L3MBTL3: variants seen among roughly 807,000 people sequenced by gnomAD.
L3MBTL3 encodes lethal(3)malignant brain tumor-like protein 3.
L3MBTL3 carries 27 observed loss-of-function variants against 102.3 expected under a neutral mutation model. The ratio of observed to expected loss-of-function variants is 0.26; its 90% CI spans 0.19 to 0.36. The LOEUF is 0.36. Ranked by LOEUF, L3MBTL3 falls within the 10% of genes least tolerant of loss-of-function variation. The probability of loss-of-function intolerance (pLI) is 1.00; values close to 1 mark genes in which losing one functional copy is unlikely to be tolerated. For missense variants in L3MBTL3, 798 were observed against 955.3 expected (o/e 0.84, Z 2.17); for synonymous variants, 340 against 320.9 (o/e 1.06, Z -0.64).
chr6:130,103,949 G>A (rs1317179908), intron 18 of L3MBTL3, among the ~76,000 whole-genome samples: 5 of 152,176 alleles, frequency 3.3e-5, no homozygotes. Context: ...CAGCCCATGA[G>A]GAAACCTCCT....
intron 16 of L3MBTL3, among the ~76,000 whole-genome samples, chr6:130,088,597 A>G (rs1276290761): frequency 2.0e-5 from 3 of 152,214 alleles, no homozygotes; most frequent in African/African-American, 7.2e-5. Flanking sequence ...CATTGAAGAA[A>G]AATGGCCTAG....
rs1329155980 is a variant in L3MBTL3, at chr6:130,116,946, ATTTT to A, written c.1887-3930_1887-3927del. On this transcript the variant is annotated intron_variant, in intron 19 of 22. Coordinates refer to ENST00000361794, the MANE Select transcript of L3MBTL3 (RefSeq NM_032438.4). ...ATTTTTTTTATTTTTTTTTCCTCTT[ATTTT>A]TTATTTATTTATTTATTTATTTTTT... 6.4e-5 allele frequency among the ~76,000 whole-genome samples: 9 copies of A among 141,256 alleles called. No individual in the cohort carries two copies. In the East Asian group the frequency reaches 1.4e-3, roughly 22 times the overall value. The allele number at this position is 141,256 out of a possible 152,430, so 92.7% of individuals were successfully genotyped here.
chr6:130,056,848 T>G (rs1157296322), intron 8 of L3MBTL3, among the ~76,000 whole-genome samples: 2 of 152,202 alleles, frequency 1.3e-5, no homozygotes, highest in Non-Finnish European at 2.9e-5. Flanking sequence ...TTCTCTCAGC[T>G]TTGCTACCCA....
At chr6:130,029,059 C>T (rs1452733661) in intron 2 of L3MBTL3, among the ~76,000 whole-genome samples, 1 of 152,128 alleles carries the variant, frequency 6.6e-6, no homozygotes, top group Non-Finnish European at 1.5e-5. Context: ...TTTATCAATA[C>T]CTACTATAGA....
intron 19 of L3MBTL3, among the ~76,000 whole-genome samples, chr6:130,107,480 A>G (rs1442018190): frequency 2.0e-5 from 3 of 152,206 alleles, no homozygotes; most frequent in Admixed American, 2.0e-4. Context: ...TAAAACCTAG[A>G]GGTAGCAAGT....
At chr6:130,130,115 C>T (rs1786903204) in intron 20 of L3MBTL3, among the ~76,000 whole-genome samples, 1 of 152,084 alleles carries the variant, frequency 6.6e-6, no homozygotes, top group African/African-American at 2.4e-5. Context: ...ATATCTAGGC[C>T]TATTTATCGT....
intron 12 of L3MBTL3, among the ~76,000 whole-genome samples, chr6:130,069,940 A>G (rs376814831): frequency 2.6e-4 from 40 of 152,354 alleles, no homozygotes; most frequent in Middle Eastern, 3.4e-3. Flanking sequence ...TGCCTGTTCT[A>G]TCCATTCAGA....
At chr6:130,064,947 C>T (rs1782152028) in intron 10 of L3MBTL3, among the ~76,000 whole-genome samples, 1 of 152,100 alleles carries the variant, frequency 6.6e-6, no homozygotes, top group African/African-American at 2.4e-5. Context: ...CCAGATATAG[C>T]TGACTGTGAG....
At chr6:130,122,842 G>A (rs564658582) in intron 20 of L3MBTL3, among the ~76,000 whole-genome samples, 8 of 152,202 alleles carry the variant, frequency 5.3e-5, no homozygotes, top group South Asian at 2.1e-4. Flanking sequence ...CCTCAGTTTC[G>A]TCTTGTGTAA....
intron 19 of L3MBTL3, among the ~76,000 whole-genome samples, chr6:130,108,528 C>T (rs761026643): frequency 1.3e-5 from 2 of 151,906 alleles, no homozygotes; most frequent in Non-Finnish European, 2.9e-5. Context: ...CCAATGTCCC[C>T]GGCCAAATGT....
intron 2 of L3MBTL3, among the ~76,000 whole-genome samples, chr6:130,027,637 T>A (rs1779436586): frequency 6.6e-6 from 1 of 152,174 alleles, no homozygotes; most frequent in African/African-American, 2.4e-5. Context: ...CCAAATCTAA[T>A]TCATTACATG....
chr6:130,084,364 AT>A (rs200950921), intron 15 of L3MBTL3, among the ~76,000 whole-genome samples: 1,820 of 152,168 alleles, frequency 0.012, 29 homozygotes, highest in African/African-American at 0.039. Flanking sequence ...TCAAATATTT[AT>A]TTTTTTAAAT....
chr6:130,082,775 T>C (rs1176967190), intron 14 of L3MBTL3, among the ~76,000 whole-genome samples: 1 of 152,168 alleles, frequency 6.6e-6, no homozygotes, highest in Non-Finnish European at 1.5e-5. Flanking sequence ...TAAGCTGATA[T>C]AGCTAGGAAA....
chr6:130,129,654 A>G (rs559138068), intron 20 of L3MBTL3, among the ~76,000 whole-genome samples: 3 of 152,360 alleles, frequency 2.0e-5, no homozygotes, highest in African/African-American at 7.2e-5. Flanking sequence ...CTTCAGAAAT[A>G]TAGAAAACTT....
chr6:130,139,048 T>C (rs1456483420), intron 22 of L3MBTL3, among the ~76,000 whole-genome samples: 1 of 151,964 alleles, frequency 6.6e-6, no homozygotes, highest in Non-Finnish European at 1.5e-5. Flanking sequence ...CAGCCTCACA[T>C]TCACTGTTTG....
At chr6:130,053,129 A>T (rs1196198775) in intron 7 of L3MBTL3, 138 bp downstream of exon 7, 3 of 619,264 alleles carry the variant, frequency 4.8e-6, no homozygotes, top group Non-Finnish European at 8.5e-6. Flanking sequence ...AGTAAGTTAC[A>T]TGGCCTCTGT....
At chr6:130,119,979 C>T (rs1165736367) in intron 19 of L3MBTL3, among the ~76,000 whole-genome samples, 3 of 152,070 alleles carry the variant, frequency 2.0e-5, no homozygotes, top group African/African-American at 7.2e-5. Flanking sequence ...GTATTTGCCC[C>T]GTTATTAAAA....
chr6:130,042,326 TAAAAC>T (rs1031269678), intron 2 of L3MBTL3, among the ~76,000 whole-genome samples: 2 of 152,200 alleles, frequency 1.3e-5, no homozygotes, highest in African/African-American at 4.8e-5. Flanking sequence ...TCTAGTGTCT[TAAAAC>T]AGAAAACAAA....
intron 19 of L3MBTL3, among the ~76,000 whole-genome samples, chr6:130,108,702 T>A (rs898335776): frequency 6.6e-6 from 1 of 152,116 alleles, no homozygotes; most frequent in Non-Finnish European, 1.5e-5. Context: ...TTATTTTTAT[T>A]TTACTTTAAG....
Sources: gnomAD v4.1 joint callset for allele counts (sites outside exome capture counted in the v4.1 genomes callset) on GRCh38, gnomAD v4.1.1 for gene constraint, MANE v1.5 for transcripts, NCBI Gene and HGNC (gene_info 2026-07-23, HGNC 2026-07-21) for gene names.